The following PARD3B variants were observed in gnomAD, a reference collection of about 807,000 sequenced individuals.
The protein encoded by PARD3B is partitioning defective 3 homolog B.
In PARD3B, 103 loss-of-function variants were observed where a neutral mutation model predicts 130.2. That is an observed-to-expected ratio of 0.79 (90% confidence interval 0.67 to 0.93). The LOEUF (loss-of-function observed/expected upper bound fraction) is 0.93. Ranked by LOEUF, PARD3B falls within the 40% of genes least tolerant of loss-of-function variation. The probability of loss-of-function intolerance (pLI) is 0.00; values close to 1 mark genes in which losing one functional copy is unlikely to be tolerated. For synonymous variants in PARD3B, 583 were observed against 553.2 expected, an observed-to-expected ratio of 1.05 and a Z score of -0.76; for missense variants, 1,609 against 1,499.2, an observed-to-expected ratio of 1.07 and a Z score of -1.21.
At chr2:205,124,155 A>C (rs1404154865) in intron 8 of PARD3B, among the ~76,000 whole-genome samples, 172 bp from the exon 9 acceptor site, 1 of 152,238 alleles carries the variant, frequency 6.6e-6, no homozygotes, top group African/African-American at 2.4e-5. Context: ...CCTGTCAGGA[A>C]CTATAATCTG....
chr2:205,307,869 G>A (rs941701006), intron 18 of PARD3B, among the ~76,000 whole-genome samples: 1 of 152,086 alleles, frequency 6.6e-6, no homozygotes, highest in South Asian at 2.1e-4. Flanking sequence ...CCTTTGAACT[G>A]TCAACTTATT....
Position 205,444,968 on chromosome 2 carries a change from G to A in PARD3B, c.3044+4296G>A, listed in dbSNP as rs202181853. 2.8e-5 allele frequency among the ~76,000 whole-genome samples: 4 copies of A among 142,038 alleles called. No individual in the cohort carries two copies. The East Asian group carries it at 7.7e-4, about 27-fold the overall frequency. 93.2% of individuals were successfully genotyped at this position (142,038 alleles called of 152,430 possible). A position where few individuals can be genotyped will look rare whatever the true frequency, so the allele number is the denominator to read the frequency against. On this transcript the variant is annotated intron_variant, in intron 20 of 22. Transcript: ENST00000406610. ...GTAGGACCAGAGGGAGAATTATAAT[G>A]AGAAGAGAATTGATTAAGAGGTGAG...
chr2:204,597,796 C>G (rs2033359400), intron 1 of PARD3B, among the ~76,000 whole-genome samples: 1 of 151,930 alleles, frequency 6.6e-6, no homozygotes, highest in South Asian at 2.1e-4. Context: ...CTTTATAGAC[C>G]CTTGGTATTA....
At chr2:205,479,597 A>G (rs2049151329) in intron 20 of PARD3B, among the ~76,000 whole-genome samples, 1 of 152,080 alleles carries the variant, frequency 6.6e-6, no homozygotes, top group South Asian at 2.1e-4. Flanking sequence ...GAATTCATCT[A>G]TTTTTCTCCA....
Position 204,805,489 on chromosome 2 carries a change from A to G in PARD3B, c.222+119207A>G, listed in dbSNP as rs192937933. ...CTGTACTGAATTTCACCAAACATTT[A>G]AGGAAGAATACCAGCCCTACCCAAA... On this transcript the variant is annotated intron_variant, in intron 2 of 22. Coordinates refer to ENST00000406610, the MANE Select transcript of PARD3B (RefSeq NM_001302769.2). Among the ~76,000 whole-genome samples the G allele has an allele frequency of 1.1e-4, 16 of 152,248 alleles. No homozygotes were observed. In the East Asian group the frequency reaches 3.1e-3, roughly 29 times the overall value.
chr2:205,520,585 T>A (rs1373108755), intron 21 of PARD3B, among the ~76,000 whole-genome samples: 1 of 152,124 alleles, frequency 6.6e-6, no homozygotes, highest in Non-Finnish European at 1.5e-5. Flanking sequence ...CTAAAATGCT[T>A]AGGTAATTGG....
At chr2:205,138,211 A>G (rs912118432) in intron 10 of PARD3B, among the ~76,000 whole-genome samples, 11 of 152,140 alleles carry the variant, frequency 7.2e-5, no homozygotes, top group Non-Finnish European at 1.5e-4. Context: ...AATAATTCTT[A>G]TTCTTATTTT....
rs2036158407 is a variant in PARD3B at position 204,669,046 on chromosome 2, T to A, written c.121-17135T>A. On this transcript the variant is annotated intron_variant, in intron 1 of 22. Coordinates refer to ENST00000406610, the MANE Select transcript of PARD3B (RefSeq NM_001302769.2). The surrounding 1 kb of genome is among the most constrained non-coding windows in gnomAD (Gnocchi z 4.3). ...TGGAGCCTCCAGAAAGGAATTCAGG[T>A]CCACTCACATCTTGATGTTCACCTA... Among the ~76,000 whole-genome samples the A allele has an allele frequency of 6.6e-6, 1 of 152,184 alleles. No individual in the cohort carries two copies.
Position 205,118,925 on chromosome 2 carries a change from C to T in PARD3B, c.685C>T (p.Leu229=), listed in dbSNP as rs955253998. 7 of 1,595,390 alleles carry T rather than the reference C, an allele frequency of 4.4e-6. No individual in the cohort carries two copies. In the East Asian group the frequency reaches 1.6e-4, roughly 36 times the overall value. Residue 229 remains leucine, a synonymous_variant, in exon 7 of 23, where the codon CTA becomes TTA. Transcript: ENST00000406610. The part of the protein sequence containing the change: ...PFFSSLSGRI[L]GLFIRGIEDN... ...CAATCTAAATTTTGCATTTAGGATT[C>T]TAGGACTCTTCATCCGAGGCATTGA...
At chr2:204,605,802 A>G (rs1035098948) in intron 1 of PARD3B, among the ~76,000 whole-genome samples, 1 of 152,142 alleles carries the variant, frequency 6.6e-6, no homozygotes, top group African/African-American at 2.4e-5. Context: ...ATGTGCTGGG[A>G]CAGTAATGGT....
intron 2 of PARD3B, among the ~76,000 whole-genome samples, chr2:204,830,543 T>A (rs1363798545): frequency 6.6e-6 from 1 of 152,062 alleles, no homozygotes; most frequent in Non-Finnish European, 1.5e-5. Context: ...ACACCTGGCA[T>A]GTATATTTTC....
chr2:205,035,817 A>G (rs1697797158), intron 3 of PARD3B, among the ~76,000 whole-genome samples: 2 of 15,326 alleles, frequency 1.3e-4, no homozygotes, highest in Non-Finnish European at 2.1e-4. Flanking sequence ...ATATATATAT[A>G]TATCTATATA....
chr2:205,395,369 A>C (rs945279302), intron 18 of PARD3B, among the ~76,000 whole-genome samples: 1 of 152,156 alleles, frequency 6.6e-6, no homozygotes, highest in African/African-American at 2.4e-5. Context: ...CAGCATTCCC[A>C]TCTGTTGACT....
chr2:205,001,633 T>G (rs1419069815), intron 3 of PARD3B, among the ~76,000 whole-genome samples: 1 of 152,218 alleles, frequency 6.6e-6, no homozygotes, highest in Non-Finnish European at 1.5e-5. Flanking sequence ...TTAAAAACTT[T>G]GAAGCAGCAC....
At chr2:204,789,345 C>T (rs1023766606) in intron 2 of PARD3B, among the ~76,000 whole-genome samples, 2 of 152,152 alleles carry the variant, frequency 1.3e-5, no homozygotes, top group Admixed American at 6.5e-5. Flanking sequence ...GCCACCACAC[C>T]GAGTCTGGAA....
intron 18 of PARD3B, among the ~76,000 whole-genome samples, chr2:205,344,973 A>G (rs960519125): frequency 2.0e-5 from 3 of 152,194 alleles, no homozygotes; most frequent in African/African-American, 7.2e-5. Context: ...ACATTCAAAA[A>G]GAACAATTTT....
intron 22 of PARD3B, among the ~76,000 whole-genome samples, chr2:205,571,105 C>A (rs559224685): frequency 4.0e-4 from 61 of 152,256 alleles, no homozygotes; most frequent in Non-Finnish European, 7.4e-4. Context: ...TGGTGGAGGG[C>A]AAATGTGTTT....
intron 15 of PARD3B, among the ~76,000 whole-genome samples, chr2:205,238,918 A>ATATATATATATATATATGTATGTG (rs1559575333): frequency 7.7e-6 from 1 of 130,086 alleles, no homozygotes; most frequent in African/African-American, 3.0e-5. Context: ...ATGTATGTGT[A>ATATATATATATATATATGTATGTG]TATATATATA....
intron 2 of PARD3B, among the ~76,000 whole-genome samples, chr2:204,891,828 C>T (rs961918655): frequency 6.6e-6 from 1 of 152,136 alleles, no homozygotes; most frequent in Non-Finnish European, 1.5e-5. Flanking sequence ...CTGGGCAGTT[C>T]TAGAGCTTTG....
Sources: gnomAD v4.1 joint callset for allele counts (sites outside exome capture counted in the v4.1 genomes callset) on GRCh38, gnomAD v4.1.1 for gene constraint, Gnocchi (gnomAD v3.1) non-coding constraint, MANE v1.5 for transcripts, NCBI Gene and HGNC (gene_info 2026-07-23, HGNC 2026-07-21) for gene names.